Variants in LGSN observed in about 807,000 individuals in gnomAD.
LGSN encodes the protein lengsin, lens protein with glutamine synthetase domain.
LGSN carries 21 observed loss-of-function variants against 19.5 expected under a neutral mutation model. The ratio of observed to expected loss-of-function variants is 1.07; its 90% CI spans 0.76 to 1.55. LGSN has a LOEUF of 1.55. LGSN is among the 40% of genes most tolerant of loss of function. The probability of loss-of-function intolerance (pLI) is 0.00; values close to 1 mark genes in which losing one functional copy is unlikely to be tolerated. For missense variants in LGSN, 673 were observed against 608.5 expected (o/e 1.11, Z -1.12); for synonymous variants, 257 against 215.6 (o/e 1.19, Z -1.68).
chr6:63,281,446 T>C (rs1433362604), intron 3 of LGSN, among the ~76,000 whole-genome samples: 1 of 150,614 alleles, frequency 6.6e-6, no homozygotes, highest in Non-Finnish European at 1.5e-5. Flanking sequence ...CAATGCATTG[T>C]TTTAAGCCTT....
chr6:63,427,449 A>T, the LGSN span, among the ~76,000 whole-genome samples: 1 of 152,182 alleles, frequency 6.6e-6, no homozygotes, highest in Non-Finnish European at 1.5e-5. Flanking sequence ...GAAAACTAAA[A>T]ATATAAGCCG....
At chr6:63,328,485 C>T in the LGSN span, among the ~76,000 whole-genome samples, 2 of 152,340 alleles carry the variant, frequency 1.3e-5, no homozygotes, top group South Asian at 2.1e-4. Flanking sequence ...CCATTTACAT[C>T]ATGAGTACTC....
At chr6:63,465,648 C>T in the LGSN span, among the ~76,000 whole-genome samples, 2 of 152,156 alleles carry the variant, frequency 1.3e-5, no homozygotes, top group South Asian at 4.1e-4. Flanking sequence ...GAATAAAATG[C>T]CAACAATGGA....
chr6:63,514,216 C>G, the LGSN span, among the ~76,000 whole-genome samples: 1 of 152,004 alleles, frequency 6.6e-6, no homozygotes, highest in Non-Finnish European at 1.5e-5. Flanking sequence ...TCACTGTTCC[C>G]TTTGGCTTTT....
the LGSN span, among the ~76,000 whole-genome samples, chr6:63,443,084 G>T: frequency 6.6e-6 from 1 of 152,192 alleles, no homozygotes; most frequent in Non-Finnish European, 1.5e-5. Context: ...CCTGAGCCCT[G>T]CCCCATGGGG....
At chr6:63,512,807 C>T in the LGSN span, among the ~76,000 whole-genome samples, 3 of 152,128 alleles carry the variant, frequency 2.0e-5, no homozygotes, top group Non-Finnish European at 4.4e-5. Flanking sequence ...AATACAACAA[C>T]TTTACTACCC....
the LGSN span, among the ~76,000 whole-genome samples, chr6:63,531,711 T>C: frequency 6.6e-6 from 1 of 151,998 alleles, no homozygotes. Flanking sequence ...AGGCTGGTCT[T>C]AACTACTGGA....
chr6:63,306,729 G>A (rs1248800169), intron 1 of LGSN, among the ~76,000 whole-genome samples: 2 of 152,154 alleles, frequency 1.3e-5, no homozygotes, highest in Non-Finnish European at 2.9e-5. Context: ...AACACAATGG[G>A]CTGGAGGGCG....
the LGSN span, chr6:63,571,105 T>G: frequency 3.3e-5 from 5 of 152,220 alleles, no homozygotes; most frequent in Admixed American, 1.3e-4. Context: ...GTGAGCCATT[T>G]TCTTCCAAAT....
chr6:63,411,472 T>C, the LGSN span, among the ~76,000 whole-genome samples: 1 of 152,192 alleles, frequency 6.6e-6, no homozygotes, highest in African/African-American at 2.4e-5. Flanking sequence ...TGATCTATAG[T>C]TCTATTGCGC....
At chr6:63,525,185 C>A in the LGSN span, among the ~76,000 whole-genome samples, 1 of 152,216 alleles carries the variant, frequency 6.6e-6, no homozygotes, top group African/African-American at 2.4e-5. Context: ...TTTCAAAATT[C>A]TCAATTGTAA....
the LGSN span, among the ~76,000 whole-genome samples, chr6:63,393,816 G>A: frequency 2.0e-5 from 3 of 152,066 alleles, no homozygotes; most frequent in East Asian, 3.9e-4. Flanking sequence ...TTTTCCTGGC[G>A]CCAGACAACA....
chr6:63,280,852 A>T lies in LGSN; in HGVS notation c.699T>A (p.Asn233Lys). The T allele has an allele frequency of 1.2e-6, 2 of 1,614,026 alleles. No individual in the cohort carries two copies. The highest frequency in any genetic ancestry group is 1.7e-6 in the Non-Finnish European group (2 of 1,180,008). The change falls in exon 4 of 4, where the codon AAT becomes AAA. Residue 233 changes from asparagine (N) to lysine (K), a missense_variant. Coordinates refer to ENST00000370657, the MANE Select transcript of LGSN (RefSeq NM_016571.3). ...IISFPALTFL[N>K]NHDQPFMQEL... is the part of the protein sequence containing the mutation. Reference sequence around the variant, plus strand: ...CCTGCATGAAGGGCTGATCATGGTTATTTAAAAATGTTAAAGCAGGAAAAG... The same window carrying T: ...CCTGCATGAAGGGCTGATCATGGTTTTTTAAAAATGTTAAAGCAGGAAAAG...
At chr6:63,572,542 G>C in the LGSN span, 9 of 396,796 alleles carry the variant, frequency 2.3e-5, no homozygotes, top group African/African-American at 6.2e-5. Flanking sequence ...TCTGCTCCGA[G>C]CCGCTCACTG....
the LGSN span, among the ~76,000 whole-genome samples, chr6:63,540,407 G>A: frequency 6.6e-6 from 1 of 152,032 alleles, no homozygotes; most frequent in Non-Finnish European, 1.5e-5. Context: ...GATTGCTTGA[G>A]GTCAGGAGTT....
chr6:63,416,266 A>C, the LGSN span, among the ~76,000 whole-genome samples: 1 of 152,152 alleles, frequency 6.6e-6, no homozygotes, highest in Non-Finnish European at 1.5e-5. Context: ...ACGGGCATAC[A>C]TGTTTGAATT....
chr6:63,436,511 T>C, the LGSN span, among the ~76,000 whole-genome samples: 2 of 152,252 alleles, frequency 1.3e-5, no homozygotes, highest in Admixed American at 1.3e-4. Flanking sequence ...TTGCAAGTAC[T>C]GTGGCTGTGG....
chr6:63,403,785 G>A, the LGSN span, among the ~76,000 whole-genome samples: 5 of 152,184 alleles, frequency 3.3e-5, no homozygotes, highest in Admixed American at 6.6e-5. Context: ...AAGTATTCCC[G>A]TGATTCCCAC....
At chr6:63,561,947 CTT>C in the LGSN span, among the ~76,000 whole-genome samples, 16 of 152,044 alleles carry the variant, frequency 1.1e-4, no homozygotes, top group African/African-American at 2.4e-5. Context: ...GGTGCAACCT[CTT>C]TGAGCATTTA....
Sources: allele counts gnomAD v4.1 joint callset (sites outside exome capture counted in the v4.1 genomes callset), GRCh38; gene constraint gnomAD v4.1.1; transcripts MANE v1.5; gene names NCBI Gene and HGNC (gene_info 2026-07-23, HGNC 2026-07-21).